The following CCDC169 variants were observed in gnomAD, a reference collection of about 807,000 sequenced individuals.
The protein encoded by CCDC169 is coiled-coil domain-containing protein 169.
In CCDC169, 30 loss-of-function variants were observed where a neutral mutation model predicts 36.0. That is an observed-to-expected ratio of 0.83 (90% CI 0.62 to 1.13). The LOEUF is 1.13. CCDC169 is among the 50% of genes most tolerant of loss of function. The probability of loss-of-function intolerance (pLI) is 0.00; values close to 1 mark genes in which losing one functional copy is unlikely to be tolerated. For missense variants in CCDC169, 245 were observed against 245.9 expected (o/e 1.00, Z 0.03); for synonymous variants, 85 against 81.5 (o/e 1.04, Z -0.23).
intron 6 of CCDC169, 69 bp downstream of exon 6, chr13:36,253,734 C>T: frequency 6.6e-7 from 1 of 1,506,916 alleles, no homozygotes; most frequent in Non-Finnish European, 8.8e-7. Context: ...AAAACAAAAC[C>T]TAGAAAAGTG....
At chr13:36,253,742 GT>G in intron 6 of CCDC169, 60 bp downstream of exon 6, 1 of 1,513,050 alleles carries the variant, frequency 6.6e-7, no homozygotes, top group South Asian at 1.3e-5. Flanking sequence ...ACCTAGAAAA[GT>G]GAAAAACATA....
At chr13:36,281,465 G>A (rs1315884532) in intron 4 of CCDC169, among the ~76,000 whole-genome samples, 1 of 151,904 alleles carries the variant, frequency 6.6e-6, no homozygotes, top group East Asian at 1.9e-4. Flanking sequence ...AAAAAAAGTT[G>A]GAGGCACCAA....
chr13:36,250,352 A>G (rs1416443693), intron 6 of CCDC169, among the ~76,000 whole-genome samples: 2 of 152,192 alleles, frequency 1.3e-5, no homozygotes, highest in Non-Finnish European at 2.9e-5. Context: ...GACCCTGCAG[A>G]GACCACACCA....
At chr13:36,286,894 T>A (rs553393885) in intron 2 of CCDC169, among the ~76,000 whole-genome samples, 9 of 152,262 alleles carry the variant, frequency 5.9e-5, no homozygotes, top group African/African-American at 2.2e-4. Flanking sequence ...CTCTTTCCTC[T>A]TCCTGCCCAT....
At chr13:36,274,190 G>C (rs190225108) in intron 4 of CCDC169, 1 of 152,202 alleles carries the variant, frequency 6.6e-6, no homozygotes, top group Admixed American at 6.5e-5. Context: ...AAATTATCCT[G>C]GGGAGACGAC....
At chr13:36,248,238 C>T (rs9315401) in intron 7 of CCDC169, among the ~76,000 whole-genome samples, 61,667 of 151,962 alleles carry the variant, frequency 0.41, 13,287 homozygotes, top group Non-Finnish European at 0.48. Context: ...CTCACTTCAT[C>T]GTGATACTTG....
chr13:36,234,061 C>T (rs59295330), intron 7 of CCDC169, among the ~76,000 whole-genome samples: 5,503 of 152,194 alleles, frequency 0.036, 377 homozygotes, highest in East Asian at 0.28. Context: ...ATAAAAAGTC[C>T]ACCTTTGTTC....
At chr13:36,256,262 G>A (rs1256593698) in intron 4 of CCDC169, among the ~76,000 whole-genome samples, 1 of 152,186 alleles carries the variant, frequency 6.6e-6, no homozygotes, top group East Asian at 1.9e-4. Context: ...GTTTTAGTTC[G>A]TTCTCATGCT....
At position 36,283,656 on chromosome 13, in the gene CCDC169, A is replaced by T. The variant is rs1398545669; in HGVS notation, c.210T>A (p.Asp70Glu). 6.4e-7 allele frequency: 1 copy of T among 1,551,274 alleles called. No homozygotes were observed. Among genetic ancestry groups the T allele is most frequent in the Non-Finnish European group, 8.7e-7 (1 of 1,146,814 alleles). The change falls in exon 3 of 8, where the codon GAT becomes GAA. Residue 70 changes from aspartate (D) to glutamate (E), a missense_variant. Coordinates refer to ENST00000239859, the MANE Select transcript of CCDC169 (RefSeq NM_001144981.3). ...GATAAACAATTTGCTTTTCTAGTTC[A>T]TCATTTAATTCAAGTTGTGTCTCAT... ...TRYETQLELN[D>E]ELEKQIVYLK...
intron 4 of CCDC169, among the ~76,000 whole-genome samples, chr13:36,255,312 G>A (rs1170549204): frequency 6.6e-6 from 1 of 152,148 alleles, no homozygotes; most frequent in African/African-American, 2.4e-5. Flanking sequence ...CAGATAGAGT[G>A]GGGAGGGTCA....
At position 36,252,097 on chromosome 13, in the gene CCDC169, T is replaced by C. The variant is rs574449224; in HGVS notation, c.468+1706A>G. Among the ~76,000 whole-genome samples the C allele has an allele frequency of 1.1e-3, 169 of 152,312 alleles. No individual in the cohort carries two copies. The South Asian group carries it at 0.016, about 14-fold the overall frequency. ...CCATTACAGTCTGGTCTTTTCATCATGTCATGGCCCCATAAAGAGGTAGTG... is the reference window on the plus strand; with the variant it reads ...CCATTACAGTCTGGTCTTTTCATCACGTCATGGCCCCATAAAGAGGTAGTG... On this transcript the variant is annotated intron_variant, in intron 6 of 7. Transcript: ENST00000239859.
chr13:36,241,992 C>T (rs925196444), intron 7 of CCDC169, among the ~76,000 whole-genome samples: 1 of 152,114 alleles, frequency 6.6e-6, no homozygotes, highest in African/African-American at 2.4e-5. Context: ...CATTCACTCT[C>T]TCTTCTGCTC....
intron 1 of CCDC169, among the ~76,000 whole-genome samples, chr13:36,297,161 C>G (rs1482919509): frequency 6.6e-6 from 1 of 151,552 alleles, no homozygotes; most frequent in African/African-American, 2.4e-5. Flanking sequence ...TTAAATGTTT[C>G]AAAAATTTAA....
chr13:36,242,670 T>A (rs1566062700), intron 7 of CCDC169, among the ~76,000 whole-genome samples: 1 of 152,132 alleles, frequency 6.6e-6, no homozygotes, highest in South Asian at 2.1e-4. Flanking sequence ...CACCAATTTA[T>A]GCCAGGCACT....
chr13:36,285,584 A>AAGATAGATAGAT (rs367836854), intron 2 of CCDC169, among the ~76,000 whole-genome samples: 16,643 of 137,948 alleles, frequency 0.12, 1,203 homozygotes, highest in African/African-American at 0.2. Flanking sequence ...AAAATAAAAT[A>AAGATAGATAGAT]AGATAGATAG....
intron 7 of CCDC169, among the ~76,000 whole-genome samples, chr13:36,231,922 T>A (rs887173839): frequency 1.3e-5 from 2 of 152,200 alleles, no homozygotes; most frequent in African/African-American, 4.8e-5. Flanking sequence ...TAAGAACTTG[T>A]CATTTTCTCC....
At chr13:36,242,476 A>T (rs1871951866) in intron 7 of CCDC169, among the ~76,000 whole-genome samples, 1 of 152,204 alleles carries the variant, frequency 6.6e-6, no homozygotes, top group Admixed American at 6.5e-5. Flanking sequence ...GAGTTAAGCC[A>T]GTAAGAAAAA....
intron 7 of CCDC169, among the ~76,000 whole-genome samples, chr13:36,236,074 A>G (rs2138397251): frequency 6.6e-6 from 1 of 152,116 alleles, no homozygotes; most frequent in East Asian, 1.9e-4. Context: ...TGGCAACACT[A>G]CCCAAAGTGA....
At chr13:36,233,230 TC>T (rs372139916) in intron 7 of CCDC169, among the ~76,000 whole-genome samples, 61,278 of 151,658 alleles carry the variant, frequency 0.4, 13,105 homozygotes, top group Non-Finnish European at 0.48. Flanking sequence ...AGCAGAGACT[TC>T]AGTGTCCACC....
Sources: gnomAD v4.1 joint callset for allele counts (sites outside exome capture counted in the v4.1 genomes callset) on GRCh38, gnomAD v4.1.1 for gene constraint, MANE v1.5 for transcripts, NCBI Gene and HGNC (gene_info 2026-07-23, HGNC 2026-07-21) for gene names.